The following SELENBP1 variants were observed in gnomAD, a reference collection of about 807,000 sequenced individuals.
SELENBP1 encodes methanethiol oxidase.
A neutral mutation model predicts 61.0 loss-of-function variants in SELENBP1; 71 were observed. The ratio of observed to expected loss-of-function variants is 1.16; its 90% CI spans 0.96 to 1.42. The LOEUF (loss-of-function observed/expected upper bound fraction) is 1.42. Ranked by LOEUF, SELENBP1 falls within the 40% of genes most tolerant of loss-of-function variation. SELENBP1 has a pLI of 0.00. For missense variants in SELENBP1, 561 were observed against 605.0 expected (o/e 0.93, Z 0.76); for synonymous variants, 270 against 238.9 (o/e 1.13, Z -1.20).
rs139115502 is a variant in SELENBP1 at position 151,369,550 on chromosome 1, G to A, written c.66C>T (p.Pro22=). 2,045 of 1,604,914 alleles carry A rather than the reference G, an allele frequency of 1.3e-3. 16 individuals are homozygous for A. In the African/African-American group the frequency reaches 0.024, roughly 19 times the overall value. Residue 22 remains proline, a synonymous_variant, in exon 3 of 12, where the codon CCC becomes CCT. Coordinates refer to ENST00000368868, the MANE Select transcript of SELENBP1 (RefSeq NM_003944.4). ...YSTPLEAMKG[P]REEIVYLPCI... Reference sequence around the variant, plus strand: ...AGGGCAGGTAGACGATCTCTTCCCTGGGTCCTGCACGGTAGAAAGCAGGCA... The same window carrying A: ...AGGGCAGGTAGACGATCTCTTCCCTAGGTCCTGCACGGTAGAAAGCAGGCA...
intron 9 of SELENBP1, 100 bp downstream of exon 9, chr1:151,365,463 C>A: frequency 2.5e-6 from 4 of 1,577,174 alleles, no homozygotes; most frequent in Non-Finnish European, 3.4e-6. Context: ...TTTCCTGCAC[C>A]TCCCTCAACA....
chr1:151,372,593 G>A, intron 1 of SELENBP1, 45 bp downstream of exon 1: 1 of 1,613,714 alleles, frequency 6.2e-7, no homozygotes, highest in Non-Finnish European at 8.5e-7. Context: ...CCAAATTAGG[G>A]GCAGACAGAG....
intron 7 of SELENBP1, 60 bp from the exon 8 acceptor site, chr1:151,365,906 G>T: frequency 6.3e-7 from 1 of 1,581,042 alleles, no homozygotes. Context: ...TCAGAATTGG[G>T]GACTAGGGGT....
chr1:151,369,805 C>T, intron 1 of SELENBP1, 36 bp from the exon 2 acceptor site: 1 of 1,551,718 alleles, frequency 6.4e-7, no homozygotes, highest in Non-Finnish European at 8.7e-7. Flanking sequence ...CTGGGCCACG[C>T]TCTGGAGGGT....
At position 151,369,523 on chromosome 1, in the gene SELENBP1, G is replaced by T; in HGVS notation, c.93C>A (p.Cys31Ter). 6.2e-7 allele frequency: 1 copy of T among 1,611,116 alleles called. No homozygotes were observed. The highest frequency in any genetic ancestry group is 8.5e-7 in the Non-Finnish European group (1 of 1,178,892). Residue 31 changes from cysteine (C) to a stop codon, truncating the protein, a stop_gained, in exon 3 of 12, where the codon TGC becomes TGA. Coordinates refer to ENST00000368868, the MANE Select transcript of SELENBP1 (RefSeq NM_003944.4). LOFTEE classifies it high-confidence loss of function. ...CCTCAGTGCCTGTGTTTCGGTAAATGCAGGGCAGGTAGACGATCTCTTCCC... is the reference window on the plus strand; with the variant it reads ...CCTCAGTGCCTGTGTTTCGGTAAATTCAGGGCAGGTAGACGATCTCTTCCC... ...GPREEIVYLP[C>*]IYRNTGTEAP...
At chr1:151,366,111 A>C (rs1651800492) in intron 7 of SELENBP1, 164 bp downstream of exon 7, 1 of 852,302 alleles carries the variant, frequency 1.2e-6, no homozygotes, top group African/African-American at 1.7e-5. Flanking sequence ...ACGGCCAGTT[A>C]GGGTTCAGGC....
rs141063844 is a variant in SELENBP1, at chr1:151,366,872, C to T, written c.514G>A (p.Glu172Lys). Residue 172 changes from glutamate to lysine, a missense_variant, in exon 6 of 12, where the codon GAG becomes AAG. By Grantham distance (56) the Glu-to-Lys change is moderately conservative (BLOSUM62 1). Transcript: ENST00000368868. ...GFVLLDGETFEVKGTWERPGG... is the reference protein window; with the variant it reads ...GFVLLDGETFKVKGTWERPGG... ...GGTCTCTCCCATGTCCCCTTCACCT[C>T]GAACGTCTCCCCATCCAGCAGCACA... 1.0e-4 allele frequency: 164 copies of T among 1,614,006 alleles called. 1 individual carries two copies. The highest frequency in any genetic ancestry group is 4.7e-4 in the Admixed American group (28 of 60,004).
At chr1:151,366,011 G>A (rs1001789655) in intron 7 of SELENBP1, 165 bp from the exon 8 acceptor site, 10 of 778,286 alleles carry the variant, frequency 1.3e-5, no homozygotes, top group East Asian at 2.6e-5. Context: ...TGAGGCAGGG[G>A]TTGTGTCTGC....
intron 11 of SELENBP1, 23 bp downstream of exon 11, chr1:151,364,903 G>C (rs1163345980): frequency 6.2e-7 from 1 of 1,606,974 alleles, no homozygotes; most frequent in East Asian, 2.2e-5. Context: ...CTGGGGAGGA[G>C]AGCCCATGTG....
chr1:151,372,044 G>A (rs1237864877), intron 1 of SELENBP1, among the ~76,000 whole-genome samples: 4 of 152,160 alleles, frequency 2.6e-5, no homozygotes, highest in Non-Finnish European at 4.4e-5. Flanking sequence ...CCAAACCTCA[G>A]TTCCTTCTTA....
Position 151,372,637 on chromosome 1 carries a change from C to G in SELENBP1, c.4+1G>C. On this transcript the variant is annotated splice_donor_variant, in intron 1 of 11. Coordinates refer to ENST00000368868, the MANE Select transcript of SELENBP1 (RefSeq NM_003944.4). LOFTEE classifies it high-confidence loss of function. ...GGGTGATTGGAAACCCCTCTCCTTA[C>G]CCATGCTGCCGACTGGTACACTTTG... 1.2e-6 allele frequency: 2 copies of G among 1,614,200 alleles called. No individual in the cohort carries two copies. Among genetic ancestry groups the G allele is most frequent in the South Asian group, 2.2e-5 (2 of 91,078 alleles).
chr1:151,368,411 CTG>C (rs1249687092), intron 4 of SELENBP1, 92 bp from the exon 5 acceptor site: 50 of 1,519,828 alleles, frequency 3.3e-5, no homozygotes, highest in Non-Finnish European at 4.3e-5. Flanking sequence ...TCTGCTGACT[CTG>C]TCATCTTTTC....
chr1:151,367,670 T>C (rs1038685931), intron 5 of SELENBP1, among the ~76,000 whole-genome samples: 1 of 152,214 alleles, frequency 6.6e-6, no homozygotes, highest in African/African-American at 2.4e-5. Context: ...ACGCCCAAGC[T>C]GAAGTGCTGT....
chr1:151,370,023 G>A (rs1157487296), intron 1 of SELENBP1: 2 of 1,437,742 alleles, frequency 1.4e-6, no homozygotes, highest in African/African-American at 1.4e-5. Context: ...GAGGGTGGGA[G>A]GAGGGCTGAT....
At chr1:151,369,790 A>G (rs1446415329) in intron 1 of SELENBP1, 21 bp from the exon 2 acceptor site, 1 of 1,551,838 alleles carries the variant, frequency 6.4e-7, no homozygotes, top group East Asian at 2.4e-5. Context: ...AATGGGGCGC[A>G]TTGGCTGGGC....
In SELENBP1 at chr1:151,366,305, G is replaced by A; in HGVS notation, c.813C>T (p.Ser271=). The A allele has an allele frequency of 1.2e-6, 2 of 1,614,072 alleles. No homozygotes were observed. Among genetic ancestry groups the A allele is most frequent in the Non-Finnish European group, 1.7e-6 (2 of 1,180,008 alleles). The change falls in exon 7 of 12, where the codon AGC becomes AGT. Residue 271 remains serine, a synonymous_variant. Coordinates refer to ENST00000368868, the MANE Select transcript of SELENBP1 (RefSeq NM_003944.4). ...AAQGFVGCAL[S]STIQRFYKNE... ...TCTTGTAGAAGCGCTGGATGGTGGA[G>A]CTGAGTGCGCAGCCCACAAAGCCTT...
At position 151,366,807 on chromosome 1, in the gene SELENBP1, C is replaced by A. The variant is rs1234781112; in HGVS notation, c.579G>T (p.Gln193His). 6.2e-7 allele frequency: 1 copy of A among 1,614,156 alleles called. No individual in the cohort carries two copies. The highest frequency in any genetic ancestry group is 1.7e-5 in the Admixed American group (1 of 60,014). Residue 193 changes from glutamine to histidine, a missense_variant, in exon 6 of 12, where the codon CAG (glutamine) becomes CAT (histidine). Transcript: ENST00000368868. ...TGCTGATCATGACATTGTGTCGAGG[C>A]TGGTACCAGAAGTCATAGCCCAACG... ...AAPLGYDFWY[Q>H]PRHNVMISTE...
rs749631392 is a variant in SELENBP1 at position 151,369,946 on chromosome 1, A to T, written c.5-177T>A. 2.1e-5 allele frequency: 32 copies of T among 1,503,568 alleles called. No individual in the cohort carries two copies. In the African/African-American group the frequency reaches 3.9e-4, roughly 18 times the overall value. 93.1% of individuals were successfully genotyped at this position (1,503,568 alleles called of 1,614,324 possible). Reference sequence around the variant, plus strand: ...CCCCCTCAGAGCCCTGAGGAGGGTGAGGTTGTGCTGGGAAGAGCTGGAGAC... The same window carrying T: ...CCCCCTCAGAGCCCTGAGGAGGGTGTGGTTGTGCTGGGAAGAGCTGGAGAC... On this transcript the variant is annotated intron_variant, in intron 1 of 11. Coordinates refer to ENST00000368868, the MANE Select transcript of SELENBP1 (RefSeq NM_003944.4).
At chr1:151,368,916 C>T in intron 4 of SELENBP1, 88 bp downstream of exon 4, 1 of 1,382,384 alleles carries the variant, frequency 7.2e-7, no homozygotes, top group Non-Finnish European at 1.0e-6. Context: ...CTGGAGGCTG[C>T]TGGTTTAGGT....
Sources: gnomAD v4.1 joint callset for allele counts (sites outside exome capture counted in the v4.1 genomes callset) on GRCh38, gnomAD v4.1.1 for gene constraint, MANE v1.5 for transcripts, NCBI Gene and HGNC (gene_info 2026-07-23, HGNC 2026-07-21) for gene names.